MYBPC1: variants seen among roughly 807,000 people sequenced by gnomAD.
The protein encoded by MYBPC1 is myosin-binding protein C, slow-type.
A neutral mutation model predicts 147.1 loss-of-function variants in MYBPC1; 52 were observed. The ratio of observed to expected loss-of-function variants is 0.35; its 90% confidence interval spans 0.28 to 0.45. The LOEUF (loss-of-function observed/expected upper bound fraction) is 0.45, where lower values mean the gene tolerates loss of function less well. Among genes scored for constraint, MYBPC1 ranks in the 20% least tolerant of loss-of-function variants. The probability of loss-of-function intolerance (pLI) is 1.00; values close to 1 mark genes in which losing one functional copy is unlikely to be tolerated. For synonymous variants in MYBPC1, 477 were observed against 475.9 expected (o/e 1.00, Z -0.03); for missense variants, 1,228 against 1,440.3 (o/e 0.85, Z 2.39).
intron 12 of MYBPC1, among the ~76,000 whole-genome samples, chr12:101,646,157 T>TA (rs1346570328): frequency 6.6e-6 from 1 of 152,168 alleles, no homozygotes; most frequent in Non-Finnish European, 1.5e-5. Flanking sequence ...AACAGTGGGT[T>TA]AAAAAAATTA....
At chr12:101,610,869 GCT>G in intron 1 of MYBPC1, among the ~76,000 whole-genome samples, 1 of 152,166 alleles carries the variant, frequency 6.6e-6, no homozygotes, top group Non-Finnish European at 1.5e-5. Context: ...CAGAGCCCAG[GCT>G]CTGAGTCAAG....
chr12:101,675,464 CA>C (rs1468151101), intron 26 of MYBPC1, 33 bp downstream of exon 26: 1 of 1,613,586 alleles, frequency 6.2e-7, no homozygotes, highest in East Asian at 2.2e-5. Flanking sequence ...TCATCAGTAG[CA>C]AAAGGCACAT....
Position 101,631,583 on chromosome 12 carries a change from C to G in MYBPC1, c.302C>G (p.Thr101Ser). ...ATGCTTCTTCTAGGTGAAGATATCACCTTCATAGCCAAAGTCAAGGCTGAA... is the reference window on the plus strand; with the variant it reads ...ATGCTTCTTCTAGGTGAAGATATCAGCTTCATAGCCAAAGTCAAGGCTGAA... ...GGTVKVGEDI[T>S]FIAKVKAEDL... Residue 101 changes from threonine (T) to serine (S), a missense_variant, in exon 7 of 32, where the codon ACC (threonine) becomes AGC (serine). This residue lies in a region of MYBPC1 where 151 missense variants were observed against 126.1 expected (regional missense o/e 1.20). Transcript: ENST00000361466. The G allele has an allele frequency of 6.2e-7, 1 of 1,614,020 alleles. No homozygotes were observed. Among genetic ancestry groups the G allele is most frequent in the East Asian group, 2.2e-5 (1 of 44,886 alleles).
intron 6 of MYBPC1, among the ~76,000 whole-genome samples, chr12:101,630,302 G>A (rs2136037566): frequency 6.6e-6 from 1 of 152,282 alleles, no homozygotes; most frequent in African/African-American, 2.4e-5. Context: ...AAAGATGAGT[G>A]ACAGCTATGA....
chr12:101,670,066 AG>A (rs1565995906), intron 23 of MYBPC1: 2 of 573,384 alleles, frequency 3.5e-6, no homozygotes, highest in Non-Finnish European at 6.3e-6. Context: ...AATAAAGCCA[AG>A]GATGTCAGGG....
At chr12:101,660,037 C>A in intron 19 of MYBPC1, 1 of 623,992 alleles carries the variant, frequency 1.6e-6, no homozygotes. Context: ...TCTCCAAAGT[C>A]ATATTCCCTT....
chr12:101,667,264 A>G (rs1897668425), intron 22 of MYBPC1, among the ~76,000 whole-genome samples: 1 of 139,158 alleles, frequency 7.2e-6, no homozygotes, highest in African/African-American at 2.5e-5. Flanking sequence ...AGTGTCTTAC[A>G]ATAGTAAATC....
chr12:101,693,374 T>G, the MYBPC1 span, among the ~76,000 whole-genome samples: 1 of 152,344 alleles, frequency 6.6e-6, no homozygotes, highest in African/African-American at 2.4e-5. Context: ...TTACTACTAC[T>G]CAGTTAAAAA....
intron 12 of MYBPC1, among the ~76,000 whole-genome samples, chr12:101,646,233 TG>T (rs1316557654): frequency 1.3e-5 from 2 of 151,882 alleles, no homozygotes; most frequent in Non-Finnish European, 1.5e-5. Context: ...AAAATTATAA[TG>T]GAAATTAAAT....
chr12:101,607,518 G>T lies in MYBPC1; in HGVS notation c.26-6978G>T, dbSNP rs550087153. Among the ~76,000 whole-genome samples the T allele has an allele frequency of 5.3e-5, 8 of 151,848 alleles. No individual in the cohort carries two copies. The South Asian group carries it at 6.2e-4, about 12-fold the overall frequency. On this transcript the variant is annotated intron_variant, in intron 1 of 31. Coordinates refer to ENST00000361466, the MANE Select transcript of MYBPC1 (RefSeq NM_002465.4). ...TTCTCTTATGCCTCAAATTTCTAAA[G>T]AATATTTTTATTTTTAAAAAATTTT... is the stretch of plus-strand genomic sequence containing the variant.
Position 101,663,574 on chromosome 12 carries a change from G to A in MYBPC1, c.2356+14G>A, listed in dbSNP as rs1330372913. 2 of 1,613,442 alleles carry A rather than the reference G, an allele frequency of 1.2e-6. No individual in the cohort carries two copies. Among genetic ancestry groups the A allele is most frequent in the South Asian group, 1.1e-5 (1 of 91,050 alleles). On this transcript the variant is annotated intron_variant, in intron 22 of 31. Transcript: ENST00000361466. ...GCTTTGAAGGAAGTAAGTACAACCA[G>A]TAGATAAAATGAATACTGTCATCAA...
At chr12:101,659,975 CAT>C (rs1896248620) in intron 19 of MYBPC1, 144 bp downstream of exon 19, 1 of 1,087,376 alleles carries the variant, frequency 9.2e-7, no homozygotes, top group African/African-American at 1.6e-5. Context: ...GAGGACTTAT[CAT>C]TGGAGAAAGA....
chr12:101,692,522 C>T, the MYBPC1 span, among the ~76,000 whole-genome samples: 6 of 152,204 alleles, frequency 3.9e-5, no homozygotes, highest in Non-Finnish European at 8.8e-5. Context: ...TTTTGAACCT[C>T]ACTGTGCTTC....
chr12:101,604,470 A>G (rs1440978912), intron 1 of MYBPC1, among the ~76,000 whole-genome samples: 1 of 152,208 alleles, frequency 6.6e-6, no homozygotes, highest in Non-Finnish European at 1.5e-5. Context: ...AAATTGATTG[A>G]ATCATTCTGA....
At chr12:101,692,347 G>T in the MYBPC1 span, among the ~76,000 whole-genome samples, 6,414 of 152,138 alleles carry the variant, frequency 0.042, 229 homozygotes, top group South Asian at 0.064. Flanking sequence ...TATAGAAACT[G>T]GACTGTTCCA....
chr12:101,678,316 C>T (rs1170371004), intron 28 of MYBPC1, 78 bp downstream of exon 28: 9 of 1,573,574 alleles, frequency 5.7e-6, no homozygotes, highest in Admixed American at 1.7e-5. Context: ...ACAATGTAAA[C>T]AAATCCAGCT....
intron 10 of MYBPC1, among the ~76,000 whole-genome samples, chr12:101,640,443 T>A (rs1891806752): frequency 6.6e-6 from 1 of 152,252 alleles, no homozygotes; most frequent in African/African-American, 2.4e-5. Context: ...TATTCCAATT[T>A]CAGGACAATT....
intron 3 of MYBPC1, among the ~76,000 whole-genome samples, chr12:101,625,765 T>C (rs1032303415): frequency 9.2e-5 from 14 of 152,144 alleles, no homozygotes; most frequent in Admixed American, 5.9e-4. Flanking sequence ...ATCACTTTAA[T>C]AGAGATGGTC....
rs1370928816 is a variant in MYBPC1, at chr12:101,617,200, A to G, written c.62-2A>G. ...AAAAATATGCTTGTACTTTCTACAC[A>G]GAACCAAGTAAAGAGAAGGAGGCCG... On this transcript the variant is annotated splice_acceptor_variant, in intron 2 of 31. Transcript: ENST00000361466. LOFTEE classifies it high-confidence loss of function. 6.2e-7 allele frequency: 1 copy of G among 1,613,820 alleles called. No homozygotes were observed. Among genetic ancestry groups the G allele is most frequent in the South Asian group, 1.1e-5 (1 of 91,068 alleles).
Sources: gnomAD v4.1 joint callset for allele counts (sites outside exome capture counted in the v4.1 genomes callset) on GRCh38, gnomAD v4.1.1 for gene constraint, gnomAD v4.1.1 regional missense constraint, MANE v1.5 for transcripts, NCBI Gene and HGNC (gene_info 2026-07-23, HGNC 2026-07-21) for gene names.